RAD51B: variants seen among roughly 807,000 people sequenced by gnomAD.
RAD51B encodes the protein DNA repair protein RAD51 homolog 2.
In RAD51B, 38 loss-of-function variants were observed where a neutral mutation model predicts 42.2. The observed-to-expected ratio is 0.90, with a 90% CI of 0.70 to 1.18. The LOEUF (loss-of-function observed/expected upper bound fraction) is 1.18, where lower values mean the gene tolerates loss of function less well. Ranked by LOEUF, RAD51B falls within the 50% of genes most tolerant of loss-of-function variation. The pLI is 0.00. For synonymous variants in RAD51B, 154 were observed against 145.2 expected (o/e 1.06, Z -0.43); for missense variants, 373 against 400.7 (o/e 0.93, Z 0.59).
At chr14:68,335,405 C>G (rs779652080) in intron 8 of RAD51B, among the ~76,000 whole-genome samples, 7 of 152,034 alleles carry the variant, frequency 4.6e-5, no homozygotes, top group Non-Finnish European at 7.4e-5. Context: ...CAGATAGCCA[C>G]TCTTTCAGTT....
chr14:68,266,032 T>A (rs1161676765), intron 7 of RAD51B, among the ~76,000 whole-genome samples: 1 of 152,200 alleles, frequency 6.6e-6, no homozygotes, highest in Non-Finnish European at 1.5e-5. Context: ...TCAAATTTGT[T>A]CTTTATTTGT....
chr14:68,452,776 C>T (rs1054288170), intron 9 of RAD51B, among the ~76,000 whole-genome samples: 2 of 152,114 alleles, frequency 1.3e-5, no homozygotes, highest in Non-Finnish European at 2.9e-5. Context: ...CTCTTTAATC[C>T]TCACAATAAG....
At chr14:68,425,975 T>TCTTTCTTTCTTTCTTTCTTCCTTCCTTC (rs1555407995) in intron 9 of RAD51B, among the ~76,000 whole-genome samples, 33 of 86,010 alleles carry the variant, frequency 3.8e-4, no homozygotes, top group Non-Finnish European at 6.2e-4. Context: ...TTTCTTTCTT[T>TCTTTCTTTCTTTCTTTCTTCCTTCCTTC]CTTCCTTCCT....
At chr14:68,490,388 A>G (rs1883970433) in intron 10 of RAD51B, among the ~76,000 whole-genome samples, 1 of 152,244 alleles carries the variant, frequency 6.6e-6, no homozygotes, top group African/African-American at 2.4e-5. Context: ...AAGTCTGATA[A>G]AATCAGTGAT....
intron 7 of RAD51B, among the ~76,000 whole-genome samples, chr14:68,217,832 A>T (rs2079847668): frequency 6.6e-6 from 1 of 152,210 alleles, no homozygotes; most frequent in Admixed American, 6.5e-5. Flanking sequence ...CTAGAGTATA[A>T]AGTGTTTGTT....
chr14:68,300,748 CT>C (rs1390463715), intron 8 of RAD51B, among the ~76,000 whole-genome samples: 1 of 152,120 alleles, frequency 6.6e-6, no homozygotes, highest in Non-Finnish European at 1.5e-5. Flanking sequence ...CTATTATTAT[CT>C]GGTGAGATAT....
intron 10 of RAD51B, among the ~76,000 whole-genome samples, chr14:68,632,369 G>A (rs1892247498): frequency 6.6e-6 from 1 of 152,162 alleles, no homozygotes; most frequent in African/African-American, 2.4e-5. Context: ...GTTTCTCAGG[G>A]AGAGCGGCCA....
In RAD51B at chr14:68,066,551, TTAA is replaced by T. The variant is rs1338278600; in HGVS notation, c.756+179352_756+179354del. ...ATAAAGGGAGAAATCTACGAAAGTA[TTAA>T]TAATGCATTGACAAAAGTATAGAAG... On this transcript the variant is annotated intron_variant, in intron 7 of 10. Coordinates refer to ENST00000471583, the MANE Select transcript of RAD51B (RefSeq NM_133510.4). Among the ~76,000 whole-genome samples, 8 of 152,312 alleles carry T rather than the reference TTAA, an allele frequency of 5.3e-5. No homozygotes were observed. The South Asian group carries it at 6.2e-4, about 12-fold the overall frequency.
chr14:68,511,367 G>GC (rs1885715917), intron 10 of RAD51B, among the ~76,000 whole-genome samples: 1 of 152,162 alleles, frequency 6.6e-6, no homozygotes. Flanking sequence ...AATCCCACAA[G>GC]CCTCAGAGAT....
intron 10 of RAD51B, among the ~76,000 whole-genome samples, chr14:68,471,790 C>T (rs1031959728): frequency 6.6e-6 from 1 of 151,962 alleles, no homozygotes; most frequent in Admixed American, 6.6e-5. Flanking sequence ...CATGGTAATA[C>T]CATCCTGTTT....
chr14:68,387,254 T>A (rs984598460), intron 8 of RAD51B: 4 of 152,234 alleles, frequency 2.6e-5, no homozygotes, highest in African/African-American at 9.6e-5. Context: ...AGATGGATAG[T>A]ATCCAGGTAA....
chr14:68,526,143 C>G (rs1886913988), intron 10 of RAD51B, among the ~76,000 whole-genome samples: 1 of 152,204 alleles, frequency 6.6e-6, no homozygotes, highest in Non-Finnish European at 1.5e-5. Flanking sequence ...GGGTCATGTT[C>G]AGTGCTATAA....
chr14:67,824,998 A>T (rs2040768156), intron 2 of RAD51B, among the ~76,000 whole-genome samples: 2 of 146,108 alleles, frequency 1.4e-5, no homozygotes, highest in Admixed American at 1.4e-4. Context: ...GAATCGCTTG[A>T]ACCCAGGAGG....
At chr14:67,902,102 C>G (rs1245354339) in intron 7 of RAD51B, among the ~76,000 whole-genome samples, 2 of 152,112 alleles carry the variant, frequency 1.3e-5, no homozygotes, top group Non-Finnish European at 2.9e-5. Flanking sequence ...TGTGTTACAA[C>G]TAGCTGTGCA....
intron 11 of RAD51B, among the ~76,000 whole-genome samples, chr14:68,681,118 A>G (rs1197570386): frequency 6.6e-6 from 1 of 152,138 alleles, no homozygotes; most frequent in East Asian, 1.9e-4. Context: ...CTGTCCAGTA[A>G]TCCTGTACAG....
intron 7 of RAD51B, among the ~76,000 whole-genome samples, chr14:68,062,324 G>C (rs2076579978): frequency 6.6e-6 from 1 of 152,144 alleles, no homozygotes; most frequent in African/African-American, 2.4e-5. Flanking sequence ...TTTTACATCT[G>C]TGTTTATCAG....
chr14:68,062,868 G>A (rs1257450795), intron 7 of RAD51B, among the ~76,000 whole-genome samples: 1 of 151,076 alleles, frequency 6.6e-6, no homozygotes, highest in East Asian at 1.9e-4. Context: ...AAGCCATCTG[G>A]TCCTGGGCTT....
At chr14:68,047,978 GA>G (rs2076330214) in intron 7 of RAD51B, among the ~76,000 whole-genome samples, 1 of 152,126 alleles carries the variant, frequency 6.6e-6, no homozygotes, top group South Asian at 2.1e-4. Flanking sequence ...CTAAATTGTG[GA>G]AAAGTCTTAT....
chr14:68,385,553 G>T (rs1413205068), intron 8 of RAD51B, among the ~76,000 whole-genome samples: 1 of 152,162 alleles, frequency 6.6e-6, no homozygotes, highest in Non-Finnish European at 1.5e-5. Flanking sequence ...AAGACTATAC[G>T]AGAAGGGCAG....
Sources: allele counts gnomAD v4.1 joint callset (sites outside exome capture counted in the v4.1 genomes callset), GRCh38; gene constraint gnomAD v4.1.1; transcripts MANE v1.5; gene names NCBI Gene and HGNC (gene_info 2026-07-23, HGNC 2026-07-21).